The following RELN variants were observed in gnomAD, a reference collection of about 807,000 sequenced individuals.
The protein encoded by RELN is reelin.
Under a neutral mutation model 427.6 loss-of-function variants are expected in RELN, and 108 were observed. The ratio of observed to expected loss-of-function variants is 0.25; its 90% CI spans 0.22 to 0.30. The LOEUF (loss-of-function observed/expected upper bound fraction) is 0.30. RELN is among the 10% of genes least tolerant of loss of function. RELN has a pLI of 1.00. For synonymous variants in RELN, 1,524 were observed against 1,513.4 expected (o/e 1.01, Z -0.16); for missense variants, 3,715 against 4,302.8 (o/e 0.86, Z 3.82).
rs1830027328 is a variant in RELN, at chr7:103,535,405, T to C, written c.7260A>G (p.Glu2420=). The change falls in exon 46 of 65, where the codon GAA becomes GAG. Residue 2420 remains glutamate, a synonymous_variant. Transcript: ENST00000428762. ...LVRDCLPTNV[E]CSRYHLQRIL... is the part of the protein sequence containing the mutation. ...TCCGTTGCAGATGATAGCGACTGCA[T>C]TCCACATTGGTAGGCAGACAGTCCC... is the stretch of plus-strand genomic sequence containing the variant. 1.9e-6 allele frequency: 3 copies of C among 1,613,934 alleles called. No individual in the cohort carries two copies.
intron 64 of RELN, among the ~76,000 whole-genome samples, chr7:103,477,248 CTG>C (rs1175784603): frequency 2.0e-5 from 3 of 152,138 alleles, no homozygotes; most frequent in African/African-American, 7.2e-5. Flanking sequence ...CTCTTTTGAA[CTG>C]TTACTCTTTA....
chr7:103,700,832 T>C, intron 9 of RELN, 78 bp downstream of exon 9: 1 of 869,260 alleles, frequency 1.2e-6, no homozygotes, highest in South Asian at 1.3e-5. Context: ...AAAAAGTTAG[T>C]GGTGGATTGA....
At chr7:103,494,365 T>TTGTGTGTGTGTGTGTG (rs58533286) in intron 57 of RELN, among the ~76,000 whole-genome samples, 5,408 of 118,200 alleles carry the variant, frequency 0.046, 132 homozygotes, top group East Asian at 0.12. Context: ...GTAATGACTT[T>TTGTGTGTGTGTGTGTG]TGTGTGTGTG....
chr7:103,588,717 T>C (rs758436459), intron 28 of RELN, among the ~76,000 whole-genome samples: 1 of 152,158 alleles, frequency 6.6e-6, no homozygotes, highest in African/African-American at 2.4e-5. Context: ...CCTACAAACA[T>C]TGTAGACCAC....
chr7:103,905,567 G>A (rs989751490), intron 2 of RELN, among the ~76,000 whole-genome samples: 1 of 152,104 alleles, frequency 6.6e-6, no homozygotes, highest in African/African-American at 2.4e-5. Context: ...AAACACTTGT[G>A]CAGACACATG....
intron 28 of RELN, 113 bp downstream of exon 28, chr7:103,589,483 C>T: frequency 1.3e-6 from 1 of 766,788 alleles, no homozygotes; most frequent in South Asian, 1.5e-5. Flanking sequence ...ATTATTTTTC[C>T]CAGAATTGTA....
In RELN at chr7:103,773,426, C is replaced by CT. The variant is rs1791652545; in HGVS notation, c.544+3130_544+3131insA. 1.3e-4 allele frequency among the ~76,000 whole-genome samples: 6 copies of CT among 46,292 alleles called. 1 individual carries two copies. Among genetic ancestry groups the CT allele is most frequent in the Non-Finnish European group, 1.2e-4 (3 of 24,682 alleles). The allele number at this position is 46,292 out of a possible 152,430, so 30.4% of individuals were successfully genotyped here. On this transcript the variant is annotated intron_variant, in intron 4 of 64. Coordinates refer to ENST00000428762, the MANE Select transcript of RELN (RefSeq NM_005045.4). ...GTCTCTCTCTCTCTCTCCCTCGCTC[C>CT]CTCTCTCTCTCTCTCTCTCCCTCGC... is the stretch of plus-strand genomic sequence containing the variant.
chr7:103,475,343 C>A (rs1426083028), intron 64 of RELN, among the ~76,000 whole-genome samples: 1 of 152,104 alleles, frequency 6.6e-6, no homozygotes, highest in African/African-American at 2.4e-5. Flanking sequence ...CTCCCCCCAC[C>A]CCCGCACCAT....
At chr7:103,896,807 T>C (rs1794971162) in intron 2 of RELN, among the ~76,000 whole-genome samples, 1 of 152,138 alleles carries the variant, frequency 6.6e-6, no homozygotes. Flanking sequence ...AAATTTTTCA[T>C]AATAAAATGT....
At chr7:103,644,315 T>C (rs1832753095) in intron 16 of RELN, among the ~76,000 whole-genome samples, 1 of 150,710 alleles carries the variant, frequency 6.6e-6, no homozygotes, top group Non-Finnish European at 1.5e-5. Flanking sequence ...ATAATCTCAA[T>C]GAGATCCAAG....
chr7:103,515,584 A>C, intron 49 of RELN, 143 bp from the exon 50 acceptor site: 1 of 997,452 alleles, frequency 1.0e-6, no homozygotes, highest in Non-Finnish European at 1.5e-6. Flanking sequence ...ATTTTCAAAA[A>C]CCACGATTAA....
chr7:103,565,678 C>T (rs1830735247), intron 33 of RELN, 127 bp from the exon 34 acceptor site: 9 of 836,954 alleles, frequency 1.1e-5, no homozygotes, highest in Non-Finnish European at 1.5e-5. Context: ...CCCCTATGTG[C>T]TTTGACTTTT....
intron 3 of RELN, among the ~76,000 whole-genome samples, chr7:103,794,995 T>C (rs1353653820): frequency 6.6e-6 from 1 of 152,248 alleles, no homozygotes; most frequent in African/African-American, 2.4e-5. Context: ...TACACTATGA[T>C]AAATGTTTCA....
At chr7:103,770,608 TC>T (rs1791542584) in intron 4 of RELN, among the ~76,000 whole-genome samples, 1 of 151,968 alleles carries the variant, frequency 6.6e-6, no homozygotes. Context: ...AAATCCAGAA[TC>T]CTTTCCTCTC....
intron 1 of RELN, 119 bp from the exon 2 acceptor site, chr7:103,917,304 T>C (rs1280305027): frequency 2.6e-6 from 2 of 774,814 alleles, no homozygotes; most frequent in African/African-American, 1.8e-5. Context: ...TTTTATACTA[T>C]ACCTAGTTGG....
chr7:103,510,778 A>G (rs1829380885), intron 51 of RELN, 73 bp downstream of exon 51: 11 of 1,243,428 alleles, frequency 8.8e-6, no homozygotes, highest in Admixed American at 3.6e-5. Flanking sequence ...ATATTAGATC[A>G]TCTTTTCTCT....
intron 6 of RELN, among the ~76,000 whole-genome samples, chr7:103,747,785 T>C (rs2116055836): frequency 6.6e-6 from 1 of 152,016 alleles, no homozygotes; most frequent in South Asian, 2.1e-4. Flanking sequence ...AGGACTGTTT[T>C]AAAAATTAGG....
intron 26 of RELN, 67 bp from the exon 27 acceptor site, chr7:103,593,949 C>T: frequency 8.4e-7 from 1 of 1,184,810 alleles, no homozygotes; most frequent in Non-Finnish European, 1.2e-6. Flanking sequence ...AAGGAATTTT[C>T]ATTTCATGAC....
At chr7:103,644,948 A>G (rs553406320) in intron 16 of RELN, among the ~76,000 whole-genome samples, 1 of 151,792 alleles carries the variant, frequency 6.6e-6, no homozygotes, top group Non-Finnish European at 1.5e-5. Flanking sequence ...GAAACCTTAT[A>G]AGCCAGAAGA....
Sources: gnomAD v4.1 joint callset for allele counts (sites outside exome capture counted in the v4.1 genomes callset) on GRCh38, gnomAD v4.1.1 for gene constraint, MANE v1.5 for transcripts, NCBI Gene and HGNC (gene_info 2026-07-23, HGNC 2026-07-21) for gene names.